NKAIN3: variants seen among roughly 807,000 people sequenced by gnomAD.
The protein encoded by NKAIN3 is sodium/potassium transporting ATPase interacting 3, also known as sodium/potassium-transporting ATPase subunit beta-1-interacting protein 3.
In NKAIN3, 25 loss-of-function variants were observed where a neutral mutation model predicts 30.2. That is an observed-to-expected ratio of 0.83 (90% confidence interval 0.60 to 1.16). The LOEUF (loss-of-function observed/expected upper bound fraction) is 1.16, where lower values mean the gene tolerates loss of function less well. NKAIN3 is among the 50% of genes most tolerant of loss of function. The probability of loss-of-function intolerance (pLI) is 0.00; values close to 1 mark genes in which losing one functional copy is unlikely to be tolerated. For missense variants in NKAIN3, 225 were observed against 254.1 expected (o/e 0.89, Z 0.78); for synonymous variants, 91 against 89.6 (o/e 1.02, Z -0.09).
chr8:62,802,868 C>A (rs1350339955), intron 4 of NKAIN3, among the ~76,000 whole-genome samples: 6 of 152,026 alleles, frequency 3.9e-5, no homozygotes, highest in Admixed American at 2.0e-4. Flanking sequence ...TTCAGGAAAC[C>A]CATCTCACGT....
intron 1 of NKAIN3, among the ~76,000 whole-genome samples, chr8:62,420,809 T>A (rs1348026114): frequency 1.3e-5 from 2 of 152,116 alleles, no homozygotes; most frequent in Non-Finnish European, 2.9e-5. Flanking sequence ...AATCATAAAT[T>A]AGTTTAAAAA....
At chr8:62,671,576 A>G (rs2130388493) in intron 3 of NKAIN3, among the ~76,000 whole-genome samples, 2 of 152,324 alleles carry the variant, frequency 1.3e-5, no homozygotes, top group Middle Eastern at 3.4e-3. Context: ...AATAAAAATT[A>G]ATGATAAGTG....
chr8:62,902,800 G>A (rs1821651902), intron 4 of NKAIN3, among the ~76,000 whole-genome samples: 1 of 152,106 alleles, frequency 6.6e-6, no homozygotes, highest in African/African-American at 2.4e-5. Context: ...TATTGAATTT[G>A]GCAATGTACA....
chr8:62,743,799 G>C (rs1280744094), intron 3 of NKAIN3, among the ~76,000 whole-genome samples: 1 of 152,138 alleles, frequency 6.6e-6, no homozygotes, highest in African/African-American at 2.4e-5. Flanking sequence ...AATGGTAAGA[G>C]ACTGAATGGG....
intron 3 of NKAIN3, among the ~76,000 whole-genome samples, chr8:62,631,849 A>T (rs114207620): frequency 0.02 from 3,091 of 152,292 alleles, 109 homozygotes; most frequent in African/African-American, 0.071. Flanking sequence ...GCATTAGCTC[A>T]TGCCTCGTTT....
At chr8:62,742,583 T>C (rs1706819250) in intron 3 of NKAIN3, among the ~76,000 whole-genome samples, 1 of 152,216 alleles carries the variant, frequency 6.6e-6, no homozygotes, top group Non-Finnish European at 1.5e-5. Context: ...ATTGTTTATA[T>C]CTTTTTAACT....
chr8:62,422,233 C>G (rs976076295), intron 1 of NKAIN3, among the ~76,000 whole-genome samples: 6 of 151,974 alleles, frequency 3.9e-5, no homozygotes, highest in African/African-American at 1.4e-4. Context: ...AAAAGATGAT[C>G]TTAAAAGGCC....
intron 4 of NKAIN3, chr8:62,855,598 G>A: frequency 6.3e-7 from 1 of 1,599,698 alleles, no homozygotes; most frequent in Non-Finnish European, 8.6e-7. Flanking sequence ...GCAATGTCAG[G>A]TCCACTGCTT....
chr8:62,523,242 A>G (rs887012575), intron 1 of NKAIN3, among the ~76,000 whole-genome samples: 1 of 152,196 alleles, frequency 6.6e-6, no homozygotes, highest in Non-Finnish European at 1.5e-5. Context: ...ACTATACTGT[A>G]TACTCTAGAT....
chr8:62,381,875 C>G (rs143049202), intron 1 of NKAIN3, among the ~76,000 whole-genome samples: 195 of 152,180 alleles, frequency 1.3e-3, no homozygotes, highest in African/African-American at 4.2e-3. Flanking sequence ...TTTCTAACTT[C>G]TGGTTAAATT....
At chr8:62,807,336 C>T (rs934662783) in intron 4 of NKAIN3, among the ~76,000 whole-genome samples, 3 of 152,012 alleles carry the variant, frequency 2.0e-5, no homozygotes, top group Non-Finnish European at 4.4e-5. Context: ...TGTCCTTCTC[C>T]TCATGTGCTT....
intron 1 of NKAIN3, among the ~76,000 whole-genome samples, chr8:62,389,598 T>A (rs1404939177): frequency 6.6e-6 from 1 of 152,190 alleles, no homozygotes; most frequent in Non-Finnish European, 1.5e-5. Context: ...CATCTAACAA[T>A]AAATATATTT....
intron 4 of NKAIN3, among the ~76,000 whole-genome samples, chr8:62,871,298 G>A (rs1397604609): frequency 1.3e-5 from 2 of 151,700 alleles, no homozygotes; most frequent in Non-Finnish European, 2.9e-5. Flanking sequence ...AGCTACTCAG[G>A]AGGCTGAGGC....
intron 5 of NKAIN3, among the ~76,000 whole-genome samples, chr8:62,932,104 T>C (rs995479318): frequency 6.6e-6 from 1 of 151,402 alleles, no homozygotes; most frequent in Non-Finnish European, 1.5e-5. Flanking sequence ...ACTGCAAACA[T>C]GAATTCACTG....
chr8:62,681,084 G>A (rs139813512), intron 3 of NKAIN3, among the ~76,000 whole-genome samples: 21 of 152,234 alleles, frequency 1.4e-4, no homozygotes, highest in African/African-American at 5.1e-4. Flanking sequence ...GTTGAATCAT[G>A]CCATACCACA....
intron 3 of NKAIN3, among the ~76,000 whole-genome samples, chr8:62,655,462 G>A (rs1304223057): frequency 6.6e-6 from 1 of 152,094 alleles, no homozygotes; most frequent in Non-Finnish European, 1.5e-5. Flanking sequence ...CTGTGGTAGT[G>A]CAAATAAGGT....
chr8:62,482,921 G>C (rs939181723), intron 1 of NKAIN3: 3 of 152,234 alleles, frequency 2.0e-5, no homozygotes, highest in African/African-American at 7.2e-5. Flanking sequence ...TTGTTTGCTT[G>C]TTTTCAAATT....
intron 1 of NKAIN3, among the ~76,000 whole-genome samples, chr8:62,269,064 C>G (rs1013864340): frequency 6.6e-6 from 1 of 152,126 alleles, no homozygotes; most frequent in Non-Finnish European, 1.5e-5. Flanking sequence ...CATTGCTGTT[C>G]CAGATGTCAC....
At chr8:62,732,266 G>T (rs1368653726) in intron 3 of NKAIN3, among the ~76,000 whole-genome samples, 1 of 151,880 alleles carries the variant, frequency 6.6e-6, no homozygotes, top group Non-Finnish European at 1.5e-5. Flanking sequence ...GATTTGCATA[G>T]AGTTGATCGT....
Sources: gnomAD v4.1 joint callset for allele counts (sites outside exome capture counted in the v4.1 genomes callset) on GRCh38, gnomAD v4.1.1 for gene constraint, MANE v1.5 for transcripts, NCBI Gene and HGNC (gene_info 2026-07-23, HGNC 2026-07-21) for gene names.